GLMN: variants seen among roughly 807,000 people sequenced by gnomAD.
GLMN encodes the protein glomulin.
Under a neutral mutation model 87.8 loss-of-function variants are expected in GLMN, and 75 were observed. The ratio of observed to expected loss-of-function variants is 0.85; its 90% CI spans 0.71 to 1.04. GLMN has a LOEUF of 1.04. Among genes scored for constraint, GLMN ranks in the 50% least tolerant of loss-of-function variants. The pLI, the probability that GLMN is intolerant of heterozygous loss-of-function variation, is 0.00. For missense variants in GLMN, 588 were observed against 658.8 expected, an observed-to-expected ratio of 0.89 and a Z score of 1.18; for synonymous variants, 206 against 221.6, an observed-to-expected ratio of 0.93 and a Z score of 0.63.
At chr1:92,361,116 CATAT>C in the GLMN span, among the ~76,000 whole-genome samples, 891 of 148,348 alleles carry the variant, frequency 6.0e-3, 4 homozygotes, top group African/African-American at 9.6e-3. Flanking sequence ...CACACACACA[CATAT>C]ATATATATAT....
chr1:92,283,894 C>T (rs188270478), intron 7 of GLMN, among the ~76,000 whole-genome samples: 62 of 152,260 alleles, frequency 4.1e-4, no homozygotes, highest in African/African-American at 1.5e-3. Flanking sequence ...AATAAAATAG[C>T]TAGGAATCCA....
intron 18 of GLMN, 41 bp from the exon 19 acceptor site, chr1:92,246,687 TAAAGCAAAAC>T (rs747104476): frequency 1.7e-5 from 18 of 1,036,132 alleles, no homozygotes; most frequent in South Asian, 1.1e-4. Context: ...ATGCTGCCTT[TAAAGCAAAAC>T]AAAGCAAAAC....
intron 16 of GLMN, among the ~76,000 whole-genome samples, chr1:92,253,343 T>C (rs895341545): frequency 1.3e-5 from 2 of 152,164 alleles, no homozygotes; most frequent in Non-Finnish European, 2.9e-5. Flanking sequence ...TGGGTGCAGC[T>C]TCAGCAGACA....
At chr1:92,338,008 C>T in the GLMN span, among the ~76,000 whole-genome samples, 1 of 152,096 alleles carries the variant, frequency 6.6e-6, no homozygotes, top group African/African-American at 2.4e-5. Flanking sequence ...TTTGTATTAA[C>T]TATCATTCTG....
At chr1:92,297,824 C>A (rs1650307921) in intron 2 of GLMN, 137 bp downstream of exon 2, 9 of 648,914 alleles carry the variant, frequency 1.4e-5, no homozygotes, top group Non-Finnish European at 2.5e-5. Context: ...GCCTCCCCCA[C>A]TCATGCTCTT....
At chr1:92,324,288 T>G in the GLMN span, 1 of 1,613,934 alleles carries the variant, frequency 6.2e-7, no homozygotes, top group Admixed American at 1.7e-5. Context: ...AAAAAGAAAC[T>G]GAAAAGTTAA....
the GLMN span, chr1:92,304,232 G>A: frequency 1.7e-5 from 21 of 1,256,872 alleles, no homozygotes; most frequent in South Asian, 6.3e-5. Context: ...GTAACATAAC[G>A]TTCATGTTTA....
Position 92,291,490 on chromosome 1 carries a change from T to G in GLMN, c.213A>C (p.Arg71=). ...MGWNLVGPVV[R]CLLCKDKEDS... ...CCTCTTTATCTTTACACAAAAGGCA[T>G]CGAACAACAGGACCAACGAGATTCC... Residue 71 remains arginine (R), a synonymous_variant, in exon 4 of 19, where the codon CGA becomes CGC. Coordinates refer to ENST00000370360, the MANE Select transcript of GLMN (RefSeq NM_053274.3). The G allele has an allele frequency of 6.2e-7, 1 of 1,611,024 alleles. No individual in the cohort carries two copies.
At chr1:92,247,449 G>A (rs1435269616) in intron 17 of GLMN, among the ~76,000 whole-genome samples, 1 of 151,978 alleles carries the variant, frequency 6.6e-6, no homozygotes, top group Non-Finnish European at 1.5e-5. Context: ...CAAAATTTCC[G>A]GTAATGCCTA....
At chr1:92,346,244 A>C in the GLMN span, among the ~76,000 whole-genome samples, 2 of 149,810 alleles carry the variant, frequency 1.3e-5, no homozygotes. Context: ...GCTCACTGCC[A>C]CCTCTGCCTC....
intron 13 of GLMN, among the ~76,000 whole-genome samples, chr1:92,265,265 T>TA (rs1655479267): frequency 6.7e-6 from 1 of 150,262 alleles, no homozygotes; most frequent in South Asian, 2.1e-4. Context: ...CATAATGGTC[T>TA]AAAAAATCCC....
At chr1:92,267,110 A>C (rs1012651001) in intron 11 of GLMN, among the ~76,000 whole-genome samples, 3 of 152,222 alleles carry the variant, frequency 2.0e-5, no homozygotes, top group African/African-American at 7.2e-5. Flanking sequence ...ACCAGTTCCC[A>C]CACTGAAATC....
At chr1:92,303,805 C>T (rs764234777), upstream of GLMN, among the ~76,000 whole-genome samples, 1 of 152,040 alleles carries the variant, frequency 6.6e-6, no homozygotes, top group African/African-American at 2.4e-5. Context: ...ATATGTTGAG[C>T]ACTTCTCTAA....
At chr1:92,286,264 A>G (rs962711233) in intron 7 of GLMN, among the ~76,000 whole-genome samples, 3 of 150,146 alleles carry the variant, frequency 2.0e-5, no homozygotes, top group African/African-American at 7.3e-5. Flanking sequence ...AAATTTATAT[A>G]TATGTATTAT....
At chr1:92,287,813 A>T (rs576817238) in intron 6 of GLMN, among the ~76,000 whole-genome samples, 3 of 152,098 alleles carry the variant, frequency 2.0e-5, no homozygotes, top group Non-Finnish European at 2.9e-5. Context: ...CAGCCTCCCA[A>T]GTAGCCAAAA....
chr1:92,297,272 T>C (rs1158671260), intron 3 of GLMN, 132 bp downstream of exon 3: 5 of 1,259,184 alleles, frequency 4.0e-6, no homozygotes, highest in Non-Finnish European at 5.7e-6. Context: ...TAATTCTTTT[T>C]TTGTTTTCAG....
chr1:92,328,571 T>C, the GLMN span, among the ~76,000 whole-genome samples: 1 of 152,238 alleles, frequency 6.6e-6, no homozygotes, highest in Admixed American at 6.5e-5. Flanking sequence ...GTTTGATTTC[T>C]TTAAGTTGGG....
chr1:92,274,061 C>G (rs1165040899), intron 7 of GLMN, among the ~76,000 whole-genome samples: 7 of 152,198 alleles, frequency 4.6e-5, no homozygotes, highest in Non-Finnish European at 1.0e-4. Context: ...ACCACACTTA[C>G]CAGTACTTCT....
At position 92,291,416 on chromosome 1, in the gene GLMN, A is replaced by T. The variant is rs1231973565; in HGVS notation, c.285+2T>A. 1 of 1,561,936 alleles carries T rather than the reference A, an allele frequency of 6.4e-7. No homozygotes were observed. On this transcript the variant is annotated splice_donor_variant, in intron 4 of 18. Transcript: ENST00000370360. LOFTEE classifies it high-confidence loss of function. ...AAAGAGAACCTTGTTTTGTTAACTT[A>T]CCTTTACCAATAAATCAAAGATCAA...
Sources: allele counts gnomAD v4.1 joint callset (sites outside exome capture counted in the v4.1 genomes callset), GRCh38; gene constraint gnomAD v4.1.1; transcripts MANE v1.5; gene names NCBI Gene and HGNC (gene_info 2026-07-23, HGNC 2026-07-21).